CYRIB: variants seen among roughly 807,000 people sequenced by gnomAD.
CYRIB encodes the protein CYFIP related Rac1 interactor B, also known as CYFIP-related Rac1 interactor B.
Under a neutral mutation model 44.2 loss-of-function variants are expected in CYRIB, and 8 were observed. That is an observed-to-expected ratio of 0.18 (90% CI 0.11 to 0.33). CYRIB has a LOEUF of 0.33. Ranked by LOEUF, CYRIB falls within the 10% of genes least tolerant of loss-of-function variation. The probability of loss-of-function intolerance (pLI) is 1.00; values close to 1 mark genes in which losing one functional copy is unlikely to be tolerated. For synonymous variants in CYRIB, 131 were observed against 127.2 expected, an observed-to-expected ratio of 1.03 and a Z score of -0.20; for missense variants, 185 against 382.8, an observed-to-expected ratio of 0.48 and a Z score of 4.31.
upstream of CYRIB, among the ~76,000 whole-genome samples, chr8:129,940,972 G>A (rs1400669452): frequency 6.6e-6 from 1 of 152,062 alleles, no homozygotes; most frequent in African/African-American, 2.4e-5. Flanking sequence ...AACTATCTGC[G>A]CCTTACTCTA....
chr8:129,874,440 AAAAAAT>A (rs1235052107), intron 3 of CYRIB, among the ~76,000 whole-genome samples: 1 of 152,114 alleles, frequency 6.6e-6, no homozygotes, highest in African/African-American at 2.4e-5. Context: ...CTATGAAATG[AAAAAAT>A]AAAAAGTCAA....
intron 1 of CYRIB, among the ~76,000 whole-genome samples, chr8:129,988,124 C>T (rs116091440): frequency 2.0e-5 from 3 of 152,104 alleles, no homozygotes; most frequent in Non-Finnish European, 4.4e-5. Flanking sequence ...CAAGTGAGGA[C>T]GGAACAAAGG....
intron 2 of CYRIB, among the ~76,000 whole-genome samples, chr8:129,958,728 T>C (rs561017061): frequency 6.7e-6 from 1 of 148,776 alleles, no homozygotes; most frequent in Admixed American, 6.7e-5. Context: ...TACCTGAACC[T>C]GGAAGCAGAG....
chr8:129,850,920 G>A lies in CYRIB; in HGVS notation c.634-6C>T, dbSNP rs759271368. ...TCTATTGGTAAATTTTTATTCTGTAGAAGTATATGAAGAACAAAAAAAGTA... is the reference window on the plus strand; with the variant it reads ...TCTATTGGTAAATTTTTATTCTGTAAAAGTATATGAAGAACAAAAAAAGTA... On this transcript the variant is annotated splice_polypyrimidine_tract_variant and splice_region_variant and intron_variant, in intron 8 of 11. Transcript: ENST00000519824. The A allele has an allele frequency of 6.5e-7, 1 of 1,543,108 alleles. No individual in the cohort carries two copies. The highest frequency in any genetic ancestry group is 8.9e-7 in the Non-Finnish European group (1 of 1,119,946).
chr8:129,894,195 A>G (rs2066780370), intron 2 of CYRIB, among the ~76,000 whole-genome samples: 1 of 152,220 alleles, frequency 6.6e-6, no homozygotes, highest in Non-Finnish European at 1.5e-5. Context: ...CAGCTGTCTG[A>G]AAATGAAAAG....
chr8:129,981,164 A>G (rs1361313918), intron 1 of CYRIB, among the ~76,000 whole-genome samples: 1 of 151,992 alleles, frequency 6.6e-6, no homozygotes, highest in East Asian at 1.9e-4. Context: ...TTTCAAGACA[A>G]GGTCTGGCTC....
chr8:129,984,667 T>C (rs990212731), intron 1 of CYRIB, among the ~76,000 whole-genome samples: 2 of 152,182 alleles, frequency 1.3e-5, no homozygotes, highest in African/African-American at 2.4e-5. Flanking sequence ...ACTTCATTCA[T>C]TGCACACGCT....
chr8:130,011,573 G>T (rs557840696), intron 1 of CYRIB, among the ~76,000 whole-genome samples: 7 of 151,396 alleles, frequency 4.6e-5, no homozygotes, highest in Admixed American at 1.3e-4. Context: ...ATCCCAGCAC[G>T]TTGGGAGGCC....
rs1406058379 is a variant in CYRIB, at chr8:129,855,761, T to A, written c.302-14A>T. ...TTAATGCTGCTTCTAAAGAAAAAAA[T>A]TGAAAAAAACATTAAGTTGTTTGTA... On this transcript the variant is annotated splice_polypyrimidine_tract_variant and intron_variant, in intron 5 of 11. Transcript: ENST00000519824. 28 of 1,583,628 alleles carry A rather than the reference T, an allele frequency of 1.8e-5. No homozygotes were observed. In the Admixed American group the frequency reaches 3.2e-4, roughly 18 times the overall value.
intron 1 of CYRIB, among the ~76,000 whole-genome samples, chr8:129,981,673 T>C (rs2096244381): frequency 6.6e-6 from 1 of 152,214 alleles, no homozygotes; most frequent in African/African-American, 2.4e-5. Flanking sequence ...CCTGATTTTA[T>C]AGGTGAGGGA....
chr8:129,902,697 A>T (rs183904258), intron 2 of CYRIB, among the ~76,000 whole-genome samples: 41 of 152,292 alleles, frequency 2.7e-4, no homozygotes, highest in South Asian at 8.3e-4. Context: ...ACGGAAAGGG[A>T]TTTTAAGCTA....
At position 129,859,434 on chromosome 8, in the gene CYRIB, G is replaced by C. The variant is rs139741891; in HGVS notation, c.301+2795C>G. Among the ~76,000 whole-genome samples, 40 of 151,974 alleles carry C rather than the reference G, an allele frequency of 2.6e-4. 1 individual carries two copies. In the South Asian group the frequency reaches 6.8e-3, roughly 26 times the overall value. On this transcript the variant is annotated intron_variant, in intron 5 of 11. Coordinates refer to ENST00000519824, the Ensembl canonical transcript of CYRIB. ...CCTGACTAATGTCAGGCCCTCCACA[G>C]GAGGTGGAGGAGCAGAGTCTTCTCT... is the stretch of plus-strand genomic sequence containing the variant.
chr8:129,874,631 G>GA (rs2058514086), intron 3 of CYRIB, among the ~76,000 whole-genome samples: 1 of 152,016 alleles, frequency 6.6e-6, no homozygotes, highest in African/African-American at 2.4e-5. Flanking sequence ...AATACATTTT[G>GA]AATGAATGAG....
chr8:129,943,673 A>G (rs1399067280), upstream of CYRIB, among the ~76,000 whole-genome samples: 2 of 124,028 alleles, frequency 1.6e-5, no homozygotes, highest in Non-Finnish European at 3.2e-5. Context: ...ATCTTGGCTC[A>G]CTGCAAGCTC....
intron 3 of CYRIB, among the ~76,000 whole-genome samples, chr8:129,874,134 G>GA (rs1309447936): frequency 1.3e-5 from 2 of 151,126 alleles, no homozygotes; most frequent in Non-Finnish European, 3.0e-5. Flanking sequence ...ATTTTCCATA[G>GA]AAAAAAATGG....
In CYRIB at chr8:129,921,151, T is replaced by C. The variant is rs541935693; in HGVS notation, c.-49-17801A>G. ...TTTACTCAGACATAAGTCTTATCTA[T>C]TAAAAAATAAAAGTTAAATTGTATG... On this transcript the variant is annotated intron_variant, in intron 1 of 11. Transcript: ENST00000519824. Among the ~76,000 whole-genome samples, 29 of 152,330 alleles carry C rather than the reference T, an allele frequency of 1.9e-4. No individual in the cohort carries two copies. In the Middle Eastern group the frequency reaches 0.01, roughly 54 times the overall value.
At chr8:129,954,675 G>A (rs1414897101) in intron 2 of CYRIB, among the ~76,000 whole-genome samples, 1 of 152,172 alleles carries the variant, frequency 6.6e-6, no homozygotes, top group East Asian at 1.9e-4. Context: ...AAGTGGTTAA[G>A]GAACTTGTCT....
At chr8:129,947,529 C>T (rs2094234060) in intron 2 of CYRIB, among the ~76,000 whole-genome samples, 1 of 152,062 alleles carries the variant, frequency 6.6e-6, no homozygotes, top group African/African-American at 2.4e-5. Flanking sequence ...AGGAGAGCCT[C>T]CCTAAATATG....
At chr8:129,908,362 T>C (rs2076473748) in intron 1 of CYRIB, among the ~76,000 whole-genome samples, 1 of 152,164 alleles carries the variant, frequency 6.6e-6, no homozygotes, top group South Asian at 2.1e-4. Flanking sequence ...GTATACTCCC[T>C]AATAATAAAA....
Sources: allele counts gnomAD v4.1 joint callset (sites outside exome capture counted in the v4.1 genomes callset), GRCh38; gene constraint gnomAD v4.1.1; transcripts MANE v1.5; gene names NCBI Gene and HGNC (gene_info 2026-07-23, HGNC 2026-07-21).